The following TEX11 variants were observed in gnomAD, a reference collection of about 807,000 sequenced individuals.
TEX11 encodes testis expressed 11, also known as testis-expressed protein 11.
Under a neutral mutation model 84.4 loss-of-function variants are expected in TEX11, and 7 were observed. The ratio of observed to expected loss-of-function variants is 0.08; its 90% CI spans 0.05 to 0.16. The LOEUF is 0.16. TEX11 is among the 10% of genes least tolerant of loss of function. TEX11 has a pLI of 1.00. For missense variants in TEX11, 551 were observed against 660.5 expected (o/e 0.83, Z 1.82); for synonymous variants, 264 against 222.8 (o/e 1.18, Z -1.64).
chrX:70,868,087 G>A (rs1182675947), intron 4 of TEX11, among the ~76,000 whole-genome samples: 1 of 111,427 alleles, frequency 9.0e-6, no homozygotes, highest in Non-Finnish European at 1.9e-5. Flanking sequence ...GGGTGAACAG[G>A]CAACCTACAG....
At chrX:70,871,744 CCT>C (rs1231912816) in intron 4 of TEX11, among the ~76,000 whole-genome samples, 3 of 107,786 alleles carry the variant, frequency 2.8e-5, no homozygotes, top group African/African-American at 1.0e-4. Context: ...TCTCTTGTCC[CCT>C]CTCTTATCCT....
At chrX:70,709,576 A>C (rs1425722168) in intron 13 of TEX11, among the ~76,000 whole-genome samples, 1 of 111,498 alleles carries the variant, frequency 9.0e-6, no homozygotes, top group Non-Finnish European at 1.9e-5. Flanking sequence ...TTTTGGAGGT[A>C]AATCATTTTA....
chrX:70,605,352 T>A (rs747016849), intron 24 of TEX11, 49 bp downstream of exon 24: 1 of 871,102 alleles, frequency 1.1e-6, no homozygotes, highest in African/African-American at 2.0e-5. Context: ...GGCAAACATA[T>A]CAAATAGCAC....
intron 2 of TEX11, among the ~76,000 whole-genome samples, chrX:70,884,614 T>G (rs1212670534): frequency 9.0e-6 from 1 of 111,081 alleles, no homozygotes; most frequent in Non-Finnish European, 1.9e-5. Context: ...GTCACAAAGA[T>G]AATAATTTTT....
chrX:70,666,615 C>A (rs1180994202), intron 16 of TEX11, among the ~76,000 whole-genome samples: 1 of 111,460 alleles, frequency 9.0e-6, no homozygotes, highest in Non-Finnish European at 1.9e-5. Context: ...AACTTCCCAG[C>A]CTGCAGAATC....
chrX:70,660,450 C>G (rs2089913643), intron 16 of TEX11, among the ~76,000 whole-genome samples: 1 of 112,298 alleles, frequency 8.9e-6, no homozygotes, highest in Non-Finnish European at 1.9e-5. Flanking sequence ...CCTTATTCTA[C>G]AAGATTTTTG....
chrX:70,671,318 A>C (rs2090020199), intron 15 of TEX11, among the ~76,000 whole-genome samples: 1 of 111,233 alleles, frequency 9.0e-6, no homozygotes, highest in African/African-American at 3.3e-5. Context: ...GAAGCTTCAT[A>C]TTTTTCAATT....
chrX:70,736,936 G>T (rs1000253371), intron 11 of TEX11, among the ~76,000 whole-genome samples: 1 of 111,648 alleles, frequency 9.0e-6, no homozygotes, highest in Non-Finnish European at 1.9e-5. Context: ...AGCTCAATAA[G>T]ATTTATAGTA....
At chrX:70,648,813 T>A (rs1264662214) in intron 17 of TEX11, among the ~76,000 whole-genome samples, 1 of 111,132 alleles carries the variant, frequency 9.0e-6, no homozygotes, top group African/African-American at 3.3e-5. Flanking sequence ...TATCAACCCA[T>A]CACCTAGGTT....
chrX:70,770,499 C>A (rs763240991), intron 9 of TEX11, among the ~76,000 whole-genome samples: 2 of 110,855 alleles, frequency 1.8e-5, no homozygotes, highest in Admixed American at 9.6e-5. Flanking sequence ...GTGGGTGCAG[C>A]GCACCAGCAT....
chrX:70,814,117 G>A lies in TEX11; in HGVS notation c.607-7327C>T, dbSNP rs1348379833. Reference sequence around the variant, plus strand: ...AAAAAACTACTTTAAAGTTCATATGGAACCAAAAAAGAGCCCGCATTGCCA... The same window carrying A: ...AAAAAACTACTTTAAAGTTCATATGAAACCAAAAAAGAGCCCGCATTGCCA... On this transcript the variant is annotated intron_variant, in intron 8 of 29. Transcript: ENST00000374333. 8.1e-5 allele frequency among the ~76,000 whole-genome samples: 9 copies of A among 111,334 alleles called. No individual in the cohort carries two copies. The Admixed American group carries it at 8.7e-4, about 11-fold the overall frequency.
intron 28 of TEX11, among the ~76,000 whole-genome samples, chrX:70,547,027 C>CA (rs58220663): frequency 0.031 from 1,037 of 33,787 alleles, 24 homozygotes; most frequent in African/African-American, 0.069. Context: ...TATTATTCAG[C>CA]AAAAAAAAAA....
chrX:70,671,910 T>TATATATATATATATATATATATACAC (rs57166359), intron 15 of TEX11, among the ~76,000 whole-genome samples: 10 of 67,965 alleles, frequency 1.5e-4, no homozygotes, highest in African/African-American at 2.0e-4. Context: ...TATATATATA[T>TATATATATATATATATATATATACAC]ACACACACAC....
At chrX:70,749,434 C>T (rs1474258092) in intron 9 of TEX11, among the ~76,000 whole-genome samples, 1 of 110,529 alleles carries the variant, frequency 9.0e-6, no homozygotes, top group Non-Finnish European at 1.9e-5. Context: ...GCCTAATTGC[C>T]CTGGCCAGAA....
chrX:70,591,924 T>A (rs2088937112), intron 24 of TEX11, 101 bp from the exon 25 acceptor site: 1 of 529,389 alleles, frequency 1.9e-6, no homozygotes, highest in Admixed American at 3.8e-5. Context: ...CAGGTAAAAA[T>A]AAATTAATAG....
chrX:70,689,468 G>T (rs1388818199), intron 13 of TEX11, among the ~76,000 whole-genome samples: 2 of 110,932 alleles, frequency 1.8e-5, no homozygotes, highest in African/African-American at 6.5e-5. Context: ...CCAGGATTGG[G>T]GCAAGAAATG....
At chrX:70,598,940 T>C (rs890639276) in intron 24 of TEX11, among the ~76,000 whole-genome samples, 2 of 112,140 alleles carry the variant, frequency 1.8e-5, no homozygotes, top group Admixed American at 9.4e-5. Flanking sequence ...GGTTTCTTTT[T>C]AGGGTGATAA....
At position 70,792,955 on chromosome X, in the gene TEX11, G is replaced by T. The variant is rs373468361; in HGVS notation, c.692+13750C>A. On this transcript the variant is annotated intron_variant, in intron 9 of 29. Transcript: ENST00000374333. Reference sequence around the variant, plus strand: ...TGCAAAAATCCTCAACAAAATACTAGCAAACTGAATCCAGCAACACATTAA... The same window carrying T: ...TGCAAAAATCCTCAACAAAATACTATCAAACTGAATCCAGCAACACATTAA... Among the ~76,000 whole-genome samples, 18 of 111,487 alleles carry T rather than the reference G, an allele frequency of 1.6e-4. 1 individual carries two copies. In the South Asian group the frequency reaches 6.1e-3, roughly 38 times the overall value.
At chrX:70,729,612 A>G (rs890902753) in intron 11 of TEX11, among the ~76,000 whole-genome samples, 1 of 111,618 alleles carries the variant, frequency 9.0e-6, no homozygotes, top group African/African-American at 3.3e-5. Flanking sequence ...TTAGAGAAAA[A>G]AGAATAAAAA....
Sources: allele counts gnomAD v4.1 joint callset (sites outside exome capture counted in the v4.1 genomes callset), GRCh38; gene constraint gnomAD v4.1.1; transcripts MANE v1.5; gene names NCBI Gene and HGNC (gene_info 2026-07-23, HGNC 2026-07-21).